The following CCNYL1 variants were observed in gnomAD, a reference collection of about 807,000 sequenced individuals.
CCNYL1 encodes cyclin-Y-like protein 1.
Under a neutral mutation model 44.2 loss-of-function variants are expected in CCNYL1, and 16 were observed. The ratio of observed to expected loss-of-function variants is 0.36; its 90% CI spans 0.25 to 0.55. The LOEUF is 0.55. CCNYL1 is among the 20% of genes least tolerant of loss of function. CCNYL1 has a pLI of 0.85. For synonymous variants in CCNYL1, 159 were observed against 163.2 expected (o/e 0.97, Z 0.20); for missense variants, 348 against 451.8 (o/e 0.77, Z 2.08).
chr2:207,714,701 G>A, intron 1 of CCNYL1: 1 of 156,760 alleles, frequency 6.4e-6, no homozygotes, highest in Non-Finnish European at 1.4e-5. Flanking sequence ...AGAAAAGTTG[G>A]AAAAAGAGAA....
At chr2:207,716,315 T>G (rs1490525752) in intron 1 of CCNYL1, among the ~76,000 whole-genome samples, 2 of 151,542 alleles carry the variant, frequency 1.3e-5, no homozygotes, top group Non-Finnish European at 2.9e-5. Flanking sequence ...CTTTCCTCTT[T>G]CCAGTAGCTA....
Position 207,737,391 on chromosome 2 carries a change from ATT to A in CCNYL1, c.432-12_432-11del. ...ATGTTTAAATCAGTTGTTAAAAATA[ATT>A]TTTTTTTCCCTTCACAGTGTGACCT... On this transcript the variant is annotated intron_variant, in intron 4 of 9. Transcript: ENST00000295414. 1 of 1,572,168 alleles carries A rather than the reference ATT, an allele frequency of 6.4e-7. No homozygotes were observed. Among genetic ancestry groups the A allele is most frequent in the Non-Finnish European group, 8.7e-7 (1 of 1,146,462 alleles).
intron 2 of CCNYL1, among the ~76,000 whole-genome samples, chr2:207,725,984 T>C (rs1445960697): frequency 6.6e-6 from 1 of 152,210 alleles, no homozygotes; most frequent in Non-Finnish European, 1.5e-5. Context: ...TTTTCGAAGC[T>C]CGTGTGGACT....
At chr2:207,726,115 C>G (rs571810134) in intron 2 of CCNYL1, among the ~76,000 whole-genome samples, 21 of 152,280 alleles carry the variant, frequency 1.4e-4, no homozygotes, top group African/African-American at 4.8e-4. Flanking sequence ...CCATGCTCCT[C>G]TTTCTTCAGT....
chr2:207,739,872 G>A (rs2663883), intron 5 of CCNYL1, among the ~76,000 whole-genome samples: 23,640 of 152,192 alleles, frequency 0.16, 3,035 homozygotes, highest in East Asian at 0.38. Context: ...CCAGCAGTTT[G>A]CCCACTTTTG....
intron 6 of CCNYL1, among the ~76,000 whole-genome samples, 154 bp downstream of exon 6, chr2:207,740,860 A>C (rs972458125): frequency 6.6e-6 from 1 of 152,224 alleles, no homozygotes; most frequent in Non-Finnish European, 1.5e-5. Flanking sequence ...TGGTGTAAAC[A>C]TTTAAAAATT....
chr2:207,738,153 T>C (rs1372180011), intron 5 of CCNYL1, among the ~76,000 whole-genome samples: 1 of 152,166 alleles, frequency 6.6e-6, no homozygotes, highest in Non-Finnish European at 1.5e-5. Flanking sequence ...CACGCAAATA[T>C]ATAGTTGGTA....
At chr2:207,717,587 T>TG (rs1445166716) in intron 1 of CCNYL1, among the ~76,000 whole-genome samples, 13 of 152,018 alleles carry the variant, frequency 8.6e-5, no homozygotes, top group Admixed American at 3.9e-4. Flanking sequence ...GACAGTTACA[T>TG]GGGGGTTGTG....
At chr2:207,728,801 T>A (rs900893638) in intron 3 of CCNYL1, among the ~76,000 whole-genome samples, 2 of 152,030 alleles carry the variant, frequency 1.3e-5, no homozygotes, top group African/African-American at 4.8e-5. Flanking sequence ...GACCTTTTCT[T>A]TTTTCCTTTT....
rs1220498606 is a variant in CCNYL1, at chr2:207,755,730, T to G, written c.*2032T>G. ...TATTTAAGAAATACTTACATAACCC[T>G]TAGGAACTCTTCAGGCTTTAAAAGG... On this transcript the variant is annotated 3_prime_UTR_variant, in exon 10 of 10. Transcript: ENST00000295414. 1 of 152,220 alleles carries G rather than the reference T, an allele frequency of 6.6e-6. No individual in the cohort carries two copies. The highest frequency in any genetic ancestry group is 2.4e-5 in the African/African-American group (1 of 41,464). 9.4% of individuals were successfully genotyped at this position (152,220 alleles called of 1,614,324 possible). A position where few individuals can be genotyped will look rare whatever the true frequency, so the allele number is the denominator to read the frequency against.
intron 9 of CCNYL1, among the ~76,000 whole-genome samples, chr2:207,751,636 C>G (rs868741744): frequency 6.6e-6 from 1 of 152,164 alleles, no homozygotes; most frequent in Non-Finnish European, 1.5e-5. Flanking sequence ...GGGCAGATCA[C>G]CTGAGGTTGG....
chr2:207,752,974 G>A (rs549441219), intron 9 of CCNYL1, among the ~76,000 whole-genome samples: 2 of 151,810 alleles, frequency 1.3e-5, no homozygotes, highest in East Asian at 3.9e-4. Flanking sequence ...GGGAGATAGA[G>A]GTTGCAATGA....
intron 9 of CCNYL1, 55 bp downstream of exon 9, chr2:207,751,174 C>G (rs554829483): frequency 6.8e-7 from 1 of 1,471,664 alleles, no homozygotes; most frequent in African/African-American, 1.4e-5. Context: ...AAGCCAACAT[C>G]TGTGACTAAA....
chr2:207,712,237 G>T, intron 1 of CCNYL1, 121 bp downstream of exon 1: 1 of 772,326 alleles, frequency 1.3e-6, no homozygotes. Flanking sequence ...GCCCCGGGAC[G>T]AAGGCTGGTT....
chr2:207,722,280 G>T (rs1447193154), intron 1 of CCNYL1, among the ~76,000 whole-genome samples: 1 of 151,826 alleles, frequency 6.6e-6, no homozygotes, highest in Admixed American at 6.6e-5. Context: ...TCACTGGGTT[G>T]GTCAGGCTGG....
At position 207,743,576 on chromosome 2, in the gene CCNYL1, C is replaced by T. The variant is rs114996994; in HGVS notation, c.639+1234C>T. Among the ~76,000 whole-genome samples the T allele has an allele frequency of 4.4e-3, 664 of 152,038 alleles. 7 individuals are homozygous for T. Among genetic ancestry groups the T allele is most frequent in the African/African-American group, 0.015 (628 of 41,452 alleles). ...TCCAGCTTGGGCAACATAGCAAGAC[C>T]CCCATCTCTAAAAAAAGAAAAGAAA... is the stretch of plus-strand genomic sequence containing the variant. On this transcript the variant is annotated intron_variant, in intron 7 of 9. Transcript: ENST00000295414.
chr2:207,734,289 C>T (rs904078503), intron 4 of CCNYL1, among the ~76,000 whole-genome samples: 6 of 152,196 alleles, frequency 3.9e-5, no homozygotes, highest in African/African-American at 1.2e-4. Context: ...AAAAGTGTAG[C>T]TATTTATTTA....
Position 207,753,842 on chromosome 2 carries a change from G to A in CCNYL1, c.*144G>A. The A allele has an allele frequency of 1.7e-6, 1 of 578,862 alleles. No individual in the cohort carries two copies. The highest frequency in any genetic ancestry group is 2.9e-5 in the East Asian group (1 of 34,964). 35.9% of individuals were successfully genotyped at this position (578,862 alleles called of 1,614,324 possible). ...AATTCAAGAGACTCATGGACAACAA[G>A]GATTATACTCCACAGGAAAGAATGG... On this transcript the variant is annotated 3_prime_UTR_variant, in exon 10 of 10. Transcript: ENST00000295414.
intron 1 of CCNYL1, among the ~76,000 whole-genome samples, chr2:207,717,857 T>G (rs2091608676): frequency 1.3e-5 from 2 of 151,894 alleles, no homozygotes; most frequent in African/African-American, 2.4e-5. Flanking sequence ...AGACTTTAGT[T>G]GTGATAGGAA....
Sources: gnomAD v4.1 joint callset for allele counts (sites outside exome capture counted in the v4.1 genomes callset) on GRCh38, gnomAD v4.1.1 for gene constraint, MANE v1.5 for transcripts, NCBI Gene and HGNC (gene_info 2026-07-23, HGNC 2026-07-21) for gene names.